The following PUS1 variants were observed in gnomAD, a reference collection of about 807,000 sequenced individuals.
The protein encoded by PUS1 is pseudouridine synthase 1.
In PUS1, 25 loss-of-function variants were observed where a neutral mutation model predicts 38.5. The observed-to-expected ratio is 0.65, with a 90% confidence interval of 0.47 to 0.91. The LOEUF (loss-of-function observed/expected upper bound fraction) is 0.91, where lower values mean the gene tolerates loss of function less well. Among genes scored for constraint, PUS1 ranks in the 40% least tolerant of loss-of-function variants. PUS1 has a pLI of 0.00. For missense variants in PUS1, 597 were observed against 612.3 expected (o/e 0.97, Z 0.26); for synonymous variants, 282 against 260.4 (o/e 1.08, Z -0.80).
At chr12:131,934,774 C>T (rs902343416) in intron 3 of PUS1, 5 of 152,220 alleles carry the variant, frequency 3.3e-5, no homozygotes, top group South Asian at 2.1e-4. Context: ...CATCAGTGAA[C>T]GTGATACCTG....
At chr12:131,942,307 G>A (rs1002461526) in intron 5 of PUS1, among the ~76,000 whole-genome samples, 1 of 152,212 alleles carries the variant, frequency 6.6e-6, no homozygotes, top group Non-Finnish European at 1.5e-5. Context: ...GAACATACAG[G>A]ATTGTAGGTG....
Position 131,932,701 on chromosome 12 carries a change from C to CTCTT in PUS1, c.441+391_441+394dup, listed in dbSNP as rs113445540. On this transcript the variant is annotated intron_variant, in intron 3 of 5. Coordinates refer to ENST00000376649, the MANE Select transcript of PUS1 (RefSeq NM_025215.6). ...AGCCACACTTGTATGATGCAACATT[C>CTCTT]TCTTTTCTTTCCTTTTTTAGAGTCA... 1,039 of 396,536 alleles carry CTCTT rather than the reference C, an allele frequency of 2.6e-3. 12 individuals carry two copies. The highest frequency in any genetic ancestry group is 0.019 in the African/African-American group (920 of 48,316). 24.6% of individuals were successfully genotyped at this position (396,536 alleles called of 1,614,324 possible).
rs868582827 is a variant in PUS1 at position 131,930,128 on chromosome 12, G to A, written c.296G>A (p.Gly99Asp). The change falls in exon 2 of 6, where the codon GGC becomes GAC. Residue 99 changes from glycine (G) to aspartate (D), a missense_variant. Transcript: ENST00000376649. ...GCCTATTCGGGCAAGGGCTACCACG[G>A]CATGCAGGTGTGGCCGCCCGGGAAG... The part of the protein sequence containing the change: ...LMAYSGKGYH[G>D]MQRNVGSSQF... 1 of 1,423,174 alleles carries A rather than the reference G, an allele frequency of 7.0e-7. No individual in the cohort carries two copies. The highest frequency in any genetic ancestry group is 1.6e-5 in the South Asian group (1 of 61,434). The allele number at this position is 1,423,174 out of a possible 1,614,324, so 88.2% of individuals were successfully genotyped here.
Position 131,944,181 on chromosome 12 carries a change from T to G in PUS1, c.*595T>G, listed in dbSNP as rs1292753039. Reference sequence around the variant, plus strand: ...GAGTCTGGAGAAGTCGAGGCTGCCCTGATTGCCACTGCACTCAAAAAAAAA... The same window carrying G: ...GAGTCTGGAGAAGTCGAGGCTGCCCGGATTGCCACTGCACTCAAAAAAAAA... On this transcript the variant is annotated 3_prime_UTR_variant, in exon 6 of 6. Transcript: ENST00000376649. 1.4e-4 allele frequency: 21 copies of G among 151,838 alleles called. No individual in the cohort carries two copies. The highest frequency in any genetic ancestry group is 2.6e-4 in the Admixed American group (4 of 15,212). The allele number at this position is 151,838 out of a possible 1,614,324, so 9.4% of individuals were successfully genotyped here. A position where few individuals can be genotyped will look rare whatever the true frequency, so the allele number is the denominator to read the frequency against.
At chr12:131,930,436 T>C (rs932850597) in intron 2 of PUS1, among the ~76,000 whole-genome samples, 16 of 151,912 alleles carry the variant, frequency 1.1e-4, no homozygotes, top group African/African-American at 3.9e-4. Context: ...CTAAGTAGAG[T>C]GTGAAGATGA....
chr12:131,930,945 G>A (rs912627657), intron 2 of PUS1, among the ~76,000 whole-genome samples: 3 of 152,136 alleles, frequency 2.0e-5, no homozygotes, highest in Non-Finnish European at 4.4e-5. Context: ...ACAGGCATGA[G>A]CCACTGCGAC....
chr12:131,929,829 GCCCGCCCAGC>G, intron 1 of PUS1, 33 bp downstream of exon 1: 1 of 1,479,428 alleles, frequency 6.8e-7, no homozygotes, highest in Non-Finnish European at 9.1e-7. Flanking sequence ...ACCCCGCTAT[GCCCGCCCAGC>G]CCAGCCCACC....
At chr12:131,937,624 C>T (rs1890886026) in intron 3 of PUS1, among the ~76,000 whole-genome samples, 2 of 152,224 alleles carry the variant, frequency 1.3e-5, no homozygotes, top group Admixed American at 6.5e-5. Flanking sequence ...GATCCGCCTG[C>T]CCCGGCTTCC....
In PUS1 at chr12:131,941,967, G is replaced by C; in HGVS notation, c.1220G>C (p.Gly407Ala). 1.2e-6 allele frequency: 2 copies of C among 1,612,594 alleles called. No individual in the cohort carries two copies. The highest frequency in any genetic ancestry group is 1.7e-6 in the Non-Finnish European group (2 of 1,179,722). Residue 407 changes from glycine to alanine, a missense_variant, in exon 5 of 6, where the codon GGT (glycine) becomes GCT (alanine). By Grantham distance (60) the Gly-to-Ala change is moderately conservative (BLOSUM62 0). Coordinates refer to ENST00000376649, the MANE Select transcript of PUS1 (RefSeq NM_025215.6). The surrounding 1 kb of genome is among the most constrained non-coding windows in gnomAD (Gnocchi z 4.4). ...HNFSATALTA[G>A]GTGAKVPSPL... ...TTCAGTGCCACCGCTCTCACGGCAG[G>C]TGGCACGGGCGCCAAGGTAGGGGCA...
At position 131,929,731 on chromosome 12, in the gene PUS1, C is replaced by A; in HGVS notation, c.9C>A (p.Leu3=). MG[L]QLRALLGAFG... is the part of the protein sequence containing the mutation. ...GCACTGGTAGCCTGCGCATGGGCCTCCAGCTTCGCGCGCTGTTGGGAGCCT... is the reference window on the plus strand; with the variant it reads ...GCACTGGTAGCCTGCGCATGGGCCTACAGCTTCGCGCGCTGTTGGGAGCCT... The change falls in exon 1 of 6, where the codon CTC becomes CTA. Residue 3 remains leucine, a synonymous_variant. Coordinates refer to ENST00000376649, the MANE Select transcript of PUS1 (RefSeq NM_025215.6). The A allele has an allele frequency of 6.3e-7, 1 of 1,591,346 alleles. No individual in the cohort carries two copies. Among genetic ancestry groups the A allele is most frequent in the Non-Finnish European group, 8.5e-7 (1 of 1,175,912 alleles).
Position 131,941,050 on chromosome 12 carries a change from C to T in PUS1, c.545-242C>T, listed in dbSNP as rs151187817. On this transcript the variant is annotated intron_variant, in intron 4 of 5. Coordinates refer to ENST00000376649, the MANE Select transcript of PUS1 (RefSeq NM_025215.6). This position sits in a 1 kb window ranked among gnomAD's most constrained non-coding sequence, Gnocchi z 4.4. ...GTATCTTCTCACTATTGGAAAATTA[C>T]AATAAATGGTTGTAAATTCAGTCAC... 3.6e-6 allele frequency: 2 copies of T among 558,658 alleles called. No individual in the cohort carries two copies. Among genetic ancestry groups the T allele is most frequent in the African/African-American group, 3.8e-5 (2 of 53,310 alleles). The allele number at this position is 558,658 out of a possible 1,614,324, so 34.6% of individuals were successfully genotyped here.
intron 3 of PUS1, among the ~76,000 whole-genome samples, chr12:131,937,677 G>A (rs1418103620): frequency 1.3e-5 from 2 of 152,042 alleles, no homozygotes; most frequent in African/African-American, 2.4e-5. Context: ...CACTCCGCCC[G>A]TTTTTTTGTT....
chr12:131,931,118 G>A (rs1285222624), intron 2 of PUS1, among the ~76,000 whole-genome samples: 1 of 152,152 alleles, frequency 6.6e-6, no homozygotes, highest in Non-Finnish European at 1.5e-5. Flanking sequence ...CTTAACTTCG[G>A]CAGTTGTTAT....
chr12:131,942,630 T>A (rs1049916305), intron 5 of PUS1, among the ~76,000 whole-genome samples: 3 of 152,124 alleles, frequency 2.0e-5, no homozygotes, highest in Non-Finnish European at 4.4e-5. Flanking sequence ...ATGGTCTTGA[T>A]CTCCTGACCT....
chr12:131,939,621 G>A (rs1241410564), intron 4 of PUS1, among the ~76,000 whole-genome samples: 1 of 152,184 alleles, frequency 6.6e-6, no homozygotes, highest in Non-Finnish European at 1.5e-5. Context: ...TAAGTGGCAG[G>A]TACAGGCAAC....
chr12:131,939,266 C>G lies in PUS1; in HGVS notation c.535C>G (p.Arg179Gly). Residue 179 changes from arginine to glycine, a missense_variant, in exon 4 of 6, where the codon CGG (arginine) becomes GGG (glycine). Transcript: ENST00000376649. ...CAACAGCCACCTTCCCTCTCACATT[C>G]GGATTCTGGGTAAGCCTTGCAGTGC... ...KINSHLPSHI[R>G]ILGLKRVTGG... The G allele has an allele frequency of 6.4e-7, 1 of 1,555,112 alleles. No homozygotes were observed. Among genetic ancestry groups the G allele is most frequent in the South Asian group, 1.2e-5 (1 of 84,722 alleles).
At chr12:131,930,188 C>A in intron 2 of PUS1, 53 bp downstream of exon 2, 1 of 1,265,948 alleles carries the variant, frequency 7.9e-7, no homozygotes, top group Non-Finnish European at 1.0e-6. Flanking sequence ...GCAGGTGCGG[C>A]CGCCGGGGAA....
rs1566150894 is a variant in PUS1, at chr12:131,943,907, A to G, written c.*321A>G. On this transcript the variant is annotated 3_prime_UTR_variant, in exon 6 of 6. Coordinates refer to ENST00000376649, the MANE Select transcript of PUS1 (RefSeq NM_025215.6). ...GTCTTTTTTAACATTTTTTTCGTCC[A>G]CAGAGATGAGCACAGCATGGTGTCC... is the stretch of plus-strand genomic sequence containing the variant. The G allele has an allele frequency of 2.8e-6, 1 of 363,530 alleles. No homozygotes were observed. Among genetic ancestry groups the G allele is most frequent in the East Asian group, 6.8e-5 (1 of 14,646 alleles). 22.5% of individuals were successfully genotyped at this position (363,530 alleles called of 1,614,324 possible).
chr12:131,939,385 G>A (rs889107616), intron 4 of PUS1, 110 bp downstream of exon 4: 1 of 780,402 alleles, frequency 1.3e-6, no homozygotes, highest in Non-Finnish European at 2.2e-6. Flanking sequence ...CAGAAGCGTA[G>A]TCAGAGTTGC....
Sources: allele counts gnomAD v4.1 joint callset (sites outside exome capture counted in the v4.1 genomes callset), GRCh38; gene constraint gnomAD v4.1.1; non-coding constraint Gnocchi (gnomAD v3.1); transcripts MANE v1.5; gene names NCBI Gene and HGNC (gene_info 2026-07-23, HGNC 2026-07-21).